Variants in BMPR1B observed in about 807,000 individuals in gnomAD.
BMPR1B encodes bone morphogenetic protein receptor type 1B, also known as bone morphogenetic protein receptor type-1B.
Under a neutral mutation model 59.1 loss-of-function variants are expected in BMPR1B, and 12 were observed. The observed-to-expected ratio is 0.20, with a 90% CI of 0.13 to 0.33. The LOEUF is 0.33. BMPR1B is among the 10% of genes least tolerant of loss of function. BMPR1B has a pLI of 1.00. For missense variants in BMPR1B, 550 were observed against 610.9 expected, an observed-to-expected ratio of 0.90 and a Z score of 1.05; for synonymous variants, 237 against 207.3, an observed-to-expected ratio of 1.14 and a Z score of -1.23.
At chr4:95,102,218 T>C (rs976935928) in intron 3 of BMPR1B, among the ~76,000 whole-genome samples, 12 of 152,218 alleles carry the variant, frequency 7.9e-5, no homozygotes, top group African/African-American at 2.7e-4. Flanking sequence ...TCATGAATTG[T>C]CTCTTAAAAT....
chr4:95,089,863 A>T (rs1055667437), intron 3 of BMPR1B, among the ~76,000 whole-genome samples: 6 of 152,036 alleles, frequency 3.9e-5, no homozygotes, highest in Non-Finnish European at 7.4e-5. Flanking sequence ...AATTATCAAA[A>T]CTCTATGAAC....
chr4:95,039,217 TA>T (rs1320024831), intron 3 of BMPR1B, among the ~76,000 whole-genome samples: 2 of 152,230 alleles, frequency 1.3e-5, no homozygotes, highest in Non-Finnish European at 2.9e-5. Flanking sequence ...TCGTCCTCTT[TA>T]CCTCCATAAC....
intron 2 of BMPR1B, among the ~76,000 whole-genome samples, chr4:94,994,695 C>CTT (rs34949480): frequency 1.4e-5 from 2 of 146,268 alleles, no homozygotes. Flanking sequence ...TTATGTGTAA[C>CTT]TTTTTTTTTT....
At chr4:94,976,023 T>C (rs1016417487) in intron 2 of BMPR1B, among the ~76,000 whole-genome samples, 1 of 152,238 alleles carries the variant, frequency 6.6e-6, no homozygotes, top group Admixed American at 6.5e-5. Context: ...GCTATTTGCT[T>C]CTGGGTTAGG....
intron 2 of BMPR1B, among the ~76,000 whole-genome samples, chr4:94,942,481 A>T (rs1486828373): frequency 6.6e-6 from 1 of 152,228 alleles, no homozygotes; most frequent in Non-Finnish European, 1.5e-5. Context: ...GCTACTTAGA[A>T]AAAACTATTC....
chr4:95,132,520 T>G (rs555449215), intron 10 of BMPR1B, among the ~76,000 whole-genome samples: 2 of 152,280 alleles, frequency 1.3e-5, no homozygotes, highest in South Asian at 4.2e-4. Flanking sequence ...TCTTGATCTT[T>G]AAAAACAAAG....
chr4:94,857,755 T>A (rs1470231485), intron 1 of BMPR1B, among the ~76,000 whole-genome samples: 3 of 152,184 alleles, frequency 2.0e-5, no homozygotes, highest in Non-Finnish European at 4.4e-5. Context: ...CAAAAAGACA[T>A]CTGTTAAATT....
intron 4 of BMPR1B, among the ~76,000 whole-genome samples, chr4:95,110,967 T>C (rs1013638676): frequency 5.3e-5 from 8 of 152,176 alleles, no homozygotes; most frequent in African/African-American, 1.9e-4. Flanking sequence ...GAAAACTGAC[T>C]TTACTCCCTT....
At chr4:94,773,438 A>G (rs1331369055) in intron 1 of BMPR1B, among the ~76,000 whole-genome samples, 3 of 152,094 alleles carry the variant, frequency 2.0e-5, no homozygotes, top group African/African-American at 4.8e-5. Context: ...TGAGACTGAT[A>G]CGTACAAATC....
intron 2 of BMPR1B, among the ~76,000 whole-genome samples, chr4:94,881,280 G>T (rs1387411225): frequency 6.6e-6 from 1 of 151,966 alleles, no homozygotes; most frequent in Non-Finnish European, 1.5e-5. Context: ...ATTGTTGAAG[G>T]ATATAAGACC....
intron 1 of BMPR1B, among the ~76,000 whole-genome samples, chr4:94,771,097 A>G (rs1014350631): frequency 3.9e-5 from 6 of 152,198 alleles, no homozygotes; most frequent in Non-Finnish European, 8.8e-5. Flanking sequence ...TTGAAATGCA[A>G]GTACATACAA....
chr4:94,936,697 T>C (rs553593418), intron 2 of BMPR1B, among the ~76,000 whole-genome samples: 2 of 152,302 alleles, frequency 1.3e-5, no homozygotes, highest in South Asian at 2.1e-4. Flanking sequence ...AATATTTAGT[T>C]TATTTCCAAA....
chr4:94,991,172 A>C (rs1721731698), intron 2 of BMPR1B, among the ~76,000 whole-genome samples: 1 of 151,628 alleles, frequency 6.6e-6, no homozygotes, highest in Non-Finnish European at 1.5e-5. Context: ...GCCCTTTTTC[A>C]TTCTCCTTCT....
intron 2 of BMPR1B, among the ~76,000 whole-genome samples, chr4:94,923,154 T>C (rs1728767880): frequency 6.6e-6 from 1 of 152,206 alleles, no homozygotes; most frequent in Admixed American, 6.5e-5. Flanking sequence ...GACATTTTGC[T>C]TTGTAACTGT....
intron 3 of BMPR1B, among the ~76,000 whole-genome samples, chr4:95,093,439 CTGCTG>C (rs1730141712): frequency 3.8e-4 from 1 of 2,620 alleles, no homozygotes; most frequent in South Asian, 9.6e-3. Context: ...AATTCTATGT[CTGCTG>C]AGGTTTATAA....
intron 1 of BMPR1B, among the ~76,000 whole-genome samples, chr4:94,802,777 C>A (rs1723458000): frequency 6.6e-6 from 1 of 152,132 alleles, no homozygotes; most frequent in South Asian, 2.1e-4. Context: ...AAAAAAGTCA[C>A]TGTTAAATCA....
intron 2 of BMPR1B, among the ~76,000 whole-genome samples, chr4:94,972,887 T>G (rs1422137724): frequency 6.6e-6 from 1 of 152,200 alleles, no homozygotes; most frequent in Non-Finnish European, 1.5e-5. Flanking sequence ...GGGTGCCTCA[T>G]TTATTCAGCC....
intron 1 of BMPR1B, among the ~76,000 whole-genome samples, chr4:94,814,222 A>G (rs1331366629): frequency 6.6e-6 from 1 of 152,188 alleles, no homozygotes; most frequent in Non-Finnish European, 1.5e-5. Flanking sequence ...ACTTTGTTTT[A>G]TTCATATTAT....
rs184511241 is a variant in BMPR1B, at chr4:94,946,547, A to G, written c.-112-49493A>G. 2.2e-3 allele frequency among the ~76,000 whole-genome samples: 338 copies of G among 152,316 alleles called. 1 individual carries two copies. Among genetic ancestry groups the G allele is most frequent in the Admixed American group, 4.7e-3 (72 of 15,290 alleles). ...TCAGATTTGAAATAAGCTACATACA[A>G]TTGATTTTTCTGTGGCAAGAATTGA... On this transcript the variant is annotated intron_variant, in intron 2 of 12. Transcript: ENST00000515059.
Sources: allele counts gnomAD v4.1 joint callset (sites outside exome capture counted in the v4.1 genomes callset), GRCh38; gene constraint gnomAD v4.1.1; transcripts MANE v1.5; gene names NCBI Gene and HGNC (gene_info 2026-07-23, HGNC 2026-07-21).